PHF3: variants seen among roughly 807,000 people sequenced by gnomAD.
PHF3 encodes PHD finger protein 3.
A neutral mutation model predicts 178.4 loss-of-function variants in PHF3; 41 were observed. The ratio of observed to expected loss-of-function variants is 0.23; its 90% confidence interval spans 0.18 to 0.30. The LOEUF is 0.30. PHF3 is among the 10% of genes least tolerant of loss of function. The pLI, the probability that PHF3 is intolerant of heterozygous loss-of-function variation, is 1.00. For synonymous variants in PHF3, 842 were observed against 800.5 expected (o/e 1.05, Z -0.88); for missense variants, 2,346 against 2,398.1 (o/e 0.98, Z 0.45).
At chr6:63,692,546 A>G (rs1023637925) in intron 5 of PHF3, among the ~76,000 whole-genome samples, 4 of 152,096 alleles carry the variant, frequency 2.6e-5, no homozygotes, top group East Asian at 3.9e-4. Context: ...CTCATTGTCT[A>G]CCTTTTTATT....
Position 63,684,721 on chromosome 6 carries a change from C to A in PHF3, c.999C>A (p.Asp333Glu). ...KETVKLSHED[D>E]HILEDAGSSD... ...CAGTAAAATTATCCCATGAAGATGA[C>A]CATATTCTTGAGGACGCTGGATCTT... The change falls in exon 4 of 16, where the codon GAC (aspartate) becomes GAA (glutamate). Residue 333 changes from aspartate (D) to glutamate (E), a missense_variant. Coordinates refer to ENST00000262043, the MANE Select transcript of PHF3 (RefSeq NM_001370348.2). 2 of 1,613,366 alleles carry A rather than the reference C, an allele frequency of 1.2e-6. No homozygotes were observed. Among genetic ancestry groups the A allele is most frequent in the Non-Finnish European group, 8.5e-7 (1 of 1,179,402 alleles).
At chr6:63,663,738 G>C (rs1198854893) in intron 2 of PHF3, among the ~76,000 whole-genome samples, 1 of 152,146 alleles carries the variant, frequency 6.6e-6, no homozygotes, top group East Asian at 1.9e-4. Flanking sequence ...TAGCTCAGAA[G>C]GAAGTGACTG....
chr6:63,664,735 A>T (rs1410863994), intron 2 of PHF3, among the ~76,000 whole-genome samples: 1 of 152,026 alleles, frequency 6.6e-6, no homozygotes, highest in Admixed American at 6.6e-5. Flanking sequence ...TTTTGATAAA[A>T]TTTTTTACAT....
rs369603601 is a variant in PHF3, at chr6:63,693,932, A to G, written c.2497-649A>G. On this transcript the variant is annotated intron_variant, in intron 5 of 15. Coordinates refer to ENST00000262043, the MANE Select transcript of PHF3 (RefSeq NM_001370348.2). ...TATATTCCTGCTCTCAAGAATGTCT[A>G]GTTGCAGACAAAAACCAGACAAATA... Among the ~76,000 whole-genome samples the G allele has an allele frequency of 4.6e-5, 7 of 152,384 alleles. No individual in the cohort carries two copies. In the East Asian group the frequency reaches 1.3e-3, roughly 29 times the overall value.
At chr6:63,709,657 A>G (rs1230267891) in intron 14 of PHF3, among the ~76,000 whole-genome samples, 1 of 152,238 alleles carries the variant, frequency 6.6e-6, no homozygotes, top group Admixed American at 6.5e-5. Flanking sequence ...AAACATACCA[A>G]ATAGGAGTAA....
chr6:63,700,466 T>C lies in PHF3; in HGVS notation c.3099T>C (p.His1033=), dbSNP rs200070009. The part of the protein sequence containing the change: ...LAAWRRRENR[H]TIEMIEKEQR... ...CTTGGAGACGAAGAGAAAACAGACA[T>C]GTAAGATTATCTATAAATATGCATT... The change falls in exon 9 of 16, where the codon CAT becomes CAC. Residue 1033 remains histidine (H), a splice_region_variant and synonymous_variant. Coordinates refer to ENST00000262043, the MANE Select transcript of PHF3 (RefSeq NM_001370348.2). The C allele has an allele frequency of 1.9e-4, 283 of 1,469,584 alleles. No individual in the cohort carries two copies. The highest frequency in any genetic ancestry group is 2.3e-4 in the Non-Finnish European group (247 of 1,055,436). The allele number at this position is 1,469,584 out of a possible 1,614,324, so 91.0% of individuals were successfully genotyped here.
intron 2 of PHF3, among the ~76,000 whole-genome samples, chr6:63,667,004 G>T (rs945482881): frequency 6.6e-6 from 1 of 151,918 alleles, no homozygotes; most frequent in African/African-American, 2.4e-5. Context: ...TGCCTGCCTT[G>T]GCCTCTCAAA....
At chr6:63,657,291 A>T (rs1765275224) in intron 2 of PHF3, among the ~76,000 whole-genome samples, 1 of 152,210 alleles carries the variant, frequency 6.6e-6, no homozygotes, top group South Asian at 2.1e-4. Context: ...AGGGATATAC[A>T]GTAGGCTCTT....
intron 2 of PHF3, among the ~76,000 whole-genome samples, chr6:63,655,835 G>A (rs1765210565): frequency 6.6e-6 from 1 of 151,970 alleles, no homozygotes; most frequent in African/African-American, 2.4e-5. Flanking sequence ...CAGTGTTGGG[G>A]TTTTGCTATG....
At chr6:63,683,470 TCC>T (rs1561962859) in intron 3 of PHF3, among the ~76,000 whole-genome samples, 2 of 152,120 alleles carry the variant, frequency 1.3e-5, no homozygotes, top group Non-Finnish European at 2.9e-5. Flanking sequence ...TTTCATACTT[TCC>T]TTATGATACA....
At position 63,721,051 on chromosome 6, in the gene PHF3, G is replaced by C. The variant is rs956479974; in HGVS notation, c.*7343G>C. 2.6e-6 allele frequency: 4 copies of C among 1,551,126 alleles called. No homozygotes were observed. In the African/African-American group the frequency reaches 5.5e-5, roughly 21 times the overall value. ...TGAGCTATTCCCATCCATACAATTAGACCTTCTGTTTTAGTGGTACTGAAA... is the reference window on the plus strand; with the variant it reads ...TGAGCTATTCCCATCCATACAATTACACCTTCTGTTTTAGTGGTACTGAAA... On this transcript the variant is annotated 3_prime_UTR_variant, in exon 16 of 16. Transcript: ENST00000262043.
intron 2 of PHF3, among the ~76,000 whole-genome samples, chr6:63,666,610 C>T (rs1157084262): frequency 1.3e-5 from 2 of 151,946 alleles, no homozygotes; most frequent in African/African-American, 4.8e-5. Context: ...CTGTGCACAT[C>T]CTCCTATGTA....
chr6:63,712,655 G>A lies in PHF3; in HGVS notation c.5067G>A (p.Glu1689=), dbSNP rs772504426. The A allele has an allele frequency of 4.3e-6, 7 of 1,613,798 alleles. No individual in the cohort carries two copies. Among genetic ancestry groups the A allele is most frequent in the Non-Finnish European group, 2.5e-6 (3 of 1,179,964 alleles). Residue 1689 remains glutamate, a synonymous_variant, in exon 16 of 16, where the codon GAG becomes GAA. Transcript: ENST00000262043. ...HMLPGLSHNK[E]HLTEQINVEE... is the part of the protein sequence containing the mutation. Reference sequence around the variant, plus strand: ...TGCCTGGCCTGTCACACAACAAGGAGCACTTAACAGAACAAATCAATGTAG... The same window carrying A: ...TGCCTGGCCTGTCACACAACAAGGAACACTTAACAGAACAAATCAATGTAG...
chr6:63,684,679 A>G lies in PHF3; in HGVS notation c.957A>G (p.Glu319=). 6.2e-7 allele frequency: 1 copy of G among 1,613,852 alleles called. No homozygotes were observed. Among genetic ancestry groups the G allele is most frequent in the Non-Finnish European group, 8.5e-7 (1 of 1,179,886 alleles). The part of the protein sequence containing the change: ...VEEMIATRKV[E]QDSKETVKLS... Reference sequence around the variant, plus strand: ...AAATGATAGCAACAAGAAAAGTTGAACAAGATTCAAAGGAGACAGTAAAAT... The same window carrying G: ...AAATGATAGCAACAAGAAAAGTTGAGCAAGATTCAAAGGAGACAGTAAAAT... Residue 319 remains glutamate (E), a synonymous_variant, in exon 4 of 16, where the codon GAA becomes GAG. Coordinates refer to ENST00000262043, the MANE Select transcript of PHF3 (RefSeq NM_001370348.2).
At chr6:63,646,863 CTTTTTCTTTTTTCTT>C (rs1764811026) in intron 2 of PHF3, 68 bp downstream of exon 2, 4 of 1,064,276 alleles carry the variant, frequency 3.8e-6, no homozygotes, top group South Asian at 3.5e-5. Context: ...TTTTCAGCAG[CTTTTTCTTTTTTCTT>C]TTTTTCTTTT....
At position 63,722,388 on chromosome 6, in the gene PHF3, C is replaced by T. The variant is rs75927245; in HGVS notation, c.*8680C>T. On this transcript the variant is annotated 3_prime_UTR_variant, in exon 16 of 16. Coordinates refer to ENST00000262043, the MANE Select transcript of PHF3 (RefSeq NM_001370348.2). Reference sequence around the variant, plus strand: ...AGAAGTTTTCCTTGATTTCCCAGAGCTGGTCAGGAATTTTTTTCTGTCAGT... The same window carrying T: ...AGAAGTTTTCCTTGATTTCCCAGAGTTGGTCAGGAATTTTTTTCTGTCAGT... Among the ~76,000 whole-genome samples, 1,800 of 152,226 alleles carry T rather than the reference C, an allele frequency of 0.012. 28 individuals are homozygous for T. Among genetic ancestry groups the T allele is most frequent in the African/African-American group, 0.042 (1,728 of 41,528 alleles).
At chr6:63,681,097 C>T (rs1338178808) in intron 3 of PHF3, among the ~76,000 whole-genome samples, 1 of 152,018 alleles carries the variant, frequency 6.6e-6, no homozygotes, top group Admixed American at 6.6e-5. Flanking sequence ...ATGTAAAATT[C>T]AAGGTTGGAA....
rs751234413 is a variant in PHF3 at position 63,713,328 on chromosome 6, A to C, written c.5740A>C (p.Asn1914His). 2.5e-6 allele frequency: 4 copies of C among 1,613,928 alleles called. No homozygotes were observed. Among genetic ancestry groups the C allele is most frequent in the Admixed American group, 3.3e-5 (2 of 59,968 alleles). The change falls in exon 16 of 16, where the codon AAT becomes CAT. Residue 1914 changes from asparagine (N) to histidine (H), a missense_variant. Physicochemically the swap from Asn to His is moderately conservative, Grantham distance 68 (BLOSUM62 1). This residue lies in a region of PHF3 where 839 missense variants were observed against 806.9 expected (regional missense o/e 1.04). Coordinates refer to ENST00000262043, the MANE Select transcript of PHF3 (RefSeq NM_001370348.2). ...QDQQQLDRPF[N>H]RGKGDRQRFY... Reference sequence around the variant, plus strand: ...CCAACAGCAACTGGATAGGCCATTTAATAGGGGTAAAGGGGACCGCCAGAG... The same window carrying C: ...CCAACAGCAACTGGATAGGCCATTTCATAGGGGTAAAGGGGACCGCCAGAG...
intron 2 of PHF3, among the ~76,000 whole-genome samples, chr6:63,650,778 T>TA (rs34122829): frequency 6.6e-6 from 1 of 152,216 alleles, no homozygotes; most frequent in South Asian, 2.1e-4. Context: ...CAGATTTGTT[T>TA]AAAAAGTTTT....
Sources: gnomAD v4.1 joint callset for allele counts (sites outside exome capture counted in the v4.1 genomes callset) on GRCh38, gnomAD v4.1.1 for gene constraint, gnomAD v4.1.1 regional missense constraint, MANE v1.5 for transcripts, NCBI Gene and HGNC (gene_info 2026-07-23, HGNC 2026-07-21) for gene names.